The following HNRNPLL variants were observed in gnomAD, a reference collection of about 807,000 sequenced individuals.
HNRNPLL encodes the protein heterogeneous nuclear ribonucleoprotein L-like.
A neutral mutation model predicts 67.1 loss-of-function variants in HNRNPLL; 25 were observed. That is an observed-to-expected ratio of 0.37 (90% CI 0.27 to 0.52). HNRNPLL has a LOEUF of 0.52. Ranked by LOEUF, HNRNPLL falls within the 20% of genes least tolerant of loss-of-function variation. The pLI, the probability that HNRNPLL is intolerant of heterozygous loss-of-function variation, is 0.90. For missense variants in HNRNPLL, 542 were observed against 673.9 expected (o/e 0.80, Z 2.17); for synonymous variants, 267 against 241.7 (o/e 1.10, Z -0.97).
chr2:38,579,753 T>TA (rs561479570), intron 6 of HNRNPLL, among the ~76,000 whole-genome samples: 80 of 147,982 alleles, frequency 5.4e-4, no homozygotes, highest in East Asian at 7.8e-4. Context: ...TTTTTTTGGT[T>TA]AAAAAAAAAA....
intron 6 of HNRNPLL, among the ~76,000 whole-genome samples, chr2:38,579,810 T>C (rs1279552126): frequency 2.0e-5 from 3 of 152,204 alleles, no homozygotes; most frequent in Admixed American, 6.5e-5. Flanking sequence ...ACAGTTTCAA[T>C]AGCTATCAAT....
intron 2 of HNRNPLL, among the ~76,000 whole-genome samples, chr2:38,590,287 G>C (rs1223984976): frequency 6.6e-6 from 1 of 152,078 alleles, no homozygotes; most frequent in Admixed American, 6.5e-5. Flanking sequence ...CCCTCTGCTG[G>C]ACATCTCTGA....
intron 1 of HNRNPLL, 35 bp from the exon 2 acceptor site, chr2:38,591,683 T>G: frequency 6.8e-7 from 1 of 1,477,010 alleles, no homozygotes; most frequent in South Asian, 1.1e-5. Context: ...TTAAAAAAAT[T>G]TTAAGTCTAA....
At chr2:38,582,267 A>G in intron 4 of HNRNPLL, 99 bp from the exon 5 acceptor site, 1 of 798,030 alleles carries the variant, frequency 1.3e-6, no homozygotes, top group Non-Finnish European at 2.1e-6. Flanking sequence ...TAGCTCTTTT[A>G]CTTCTGGAAA....
At chr2:38,582,363 T>C (rs1160963904) in intron 4 of HNRNPLL, among the ~76,000 whole-genome samples, 195 bp from the exon 5 acceptor site, 1 of 152,108 alleles carries the variant, frequency 6.6e-6, no homozygotes, top group Non-Finnish European at 1.5e-5. Flanking sequence ...TCACCAGGAG[T>C]GCAGTGGCGC....
chr2:38,584,952 A>G lies in HNRNPLL; in HGVS notation c.546+692T>C, dbSNP rs564165868. Among the ~76,000 whole-genome samples the G allele has an allele frequency of 4.6e-5, 7 of 152,150 alleles. No homozygotes were observed. The East Asian group carries it at 5.8e-4, about 13-fold the overall frequency. On this transcript the variant is annotated intron_variant, in intron 3 of 12. Transcript: ENST00000449105. ...ATTAATAAGTCTATATTTAAAATACAAAATGTCTAATTAAATCTAAAGAAT... is the reference window on the plus strand; with the variant it reads ...ATTAATAAGTCTATATTTAAAATACGAAATGTCTAATTAAATCTAAAGAAT...
intron 6 of HNRNPLL, 97 bp from the exon 7 acceptor site, chr2:38,577,629 C>G: frequency 1.3e-6 from 1 of 742,500 alleles, no homozygotes; most frequent in Non-Finnish European, 2.4e-6. Context: ...TCCAATACAA[C>G]AATTCATAAA....
chr2:38,594,366 T>C (rs1667090008), intron 1 of HNRNPLL, among the ~76,000 whole-genome samples: 1 of 152,170 alleles, frequency 6.6e-6, no homozygotes. Flanking sequence ...GTAATGGTTA[T>C]GTAAGAGAAT....
rs1032436033 is a variant in HNRNPLL, at chr2:38,562,909, G to T, written c.*1273C>A. The T allele has an allele frequency of 3.3e-5, 5 of 151,954 alleles. No homozygotes were observed. Among genetic ancestry groups the T allele is most frequent in the African/African-American group, 1.2e-4 (5 of 41,392 alleles). 9.4% of individuals were successfully genotyped at this position (151,954 alleles called of 1,614,324 possible). On this transcript the variant is annotated 3_prime_UTR_variant, in exon 13 of 13. Coordinates refer to ENST00000449105, the MANE Select transcript of HNRNPLL (RefSeq NM_138394.4). Reference sequence around the variant, plus strand: ...AATTTAAAATAAAGTCTTTACAAAAGATCTAAATGGAACTTTCATTTACAA... The same window carrying T: ...AATTTAAAATAAAGTCTTTACAAAATATCTAAATGGAACTTTCATTTACAA...
chr2:38,588,277 C>CGGT (rs1666811972), intron 2 of HNRNPLL, among the ~76,000 whole-genome samples: 1 of 152,040 alleles, frequency 6.6e-6, no homozygotes, highest in African/African-American at 2.4e-5. Flanking sequence ...TGGCTAGGCA[C>CGGT]GGTGGCTCAT....
intron 8 of HNRNPLL, among the ~76,000 whole-genome samples, chr2:38,570,765 G>A (rs1238007269): frequency 6.6e-6 from 1 of 152,040 alleles, no homozygotes; most frequent in African/African-American, 2.4e-5. Context: ...ACAATCCCTG[G>A]TGCAGTGGCT....
chr2:38,565,727 CAAAAAAAAAAAA>C (rs200356084), intron 12 of HNRNPLL, among the ~76,000 whole-genome samples: 7 of 73,284 alleles, frequency 9.6e-5, no homozygotes, highest in African/African-American at 3.6e-4. Flanking sequence ...GACCCTGTCT[CAAAAAAAAAAAA>C]AAAAAAAAAA....
At chr2:38,588,324 T>C (rs181312541) in intron 2 of HNRNPLL, among the ~76,000 whole-genome samples, 2 of 150,416 alleles carry the variant, frequency 1.3e-5, no homozygotes, top group Admixed American at 1.3e-4. Context: ...CGGAGGTGGG[T>C]GGATCACAAG....
At chr2:38,579,841 C>T (rs183623299) in intron 6 of HNRNPLL, among the ~76,000 whole-genome samples, 299 of 151,934 alleles carry the variant, frequency 2.0e-3, no homozygotes, top group Middle Eastern at 3.4e-3. Flanking sequence ...GCTAAGAGCT[C>T]TACAGAAACA....
chr2:38,596,727 A>G (rs1161579117), intron 1 of HNRNPLL, among the ~76,000 whole-genome samples: 2 of 152,036 alleles, frequency 1.3e-5, no homozygotes, highest in African/African-American at 2.4e-5. Flanking sequence ...ATCTTTCCTC[A>G]TACAGGAGCC....
chr2:38,565,664 G>A (rs1222699742), intron 12 of HNRNPLL, among the ~76,000 whole-genome samples: 1 of 148,746 alleles, frequency 6.7e-6, no homozygotes. Context: ...GGAAAGTCGA[G>A]GCTGCAGTGG....
Position 38,602,804 on chromosome 2 carries a change from C to G in HNRNPLL, c.-178G>C. On this transcript the variant is annotated 5_prime_UTR_variant, in exon 1 of 13. Transcript: ENST00000449105. ...CTGGCGGCTGAGAAGCGCGGACGGA[C>G]TGAGGGGGGCGCCCCGGGAGGAAGC... 1.9e-6 allele frequency: 3 copies of G among 1,543,916 alleles called. No individual in the cohort carries two copies. Among genetic ancestry groups the G allele is most frequent in the Non-Finnish European group, 2.6e-6 (3 of 1,144,332 alleles).
rs73929078 is a variant in HNRNPLL at position 38,577,647 on chromosome 2, C to T, written c.803-115G>A. ...AATACAACAATTCATAAAAGAAATACGATTCCTGGTTAACTTTAAACATCC... is the reference window on the plus strand; with the variant it reads ...AATACAACAATTCATAAAAGAAATATGATTCCTGGTTAACTTTAAACATCC... On this transcript the variant is annotated intron_variant, in intron 6 of 12. Transcript: ENST00000449105. The T allele has an allele frequency of 2.2e-3, 1,511 of 676,368 alleles. 17 individuals are homozygous for T. In the African/African-American group the frequency reaches 0.023, roughly 10 times the overall value. 41.9% of individuals were successfully genotyped at this position (676,368 alleles called of 1,614,324 possible). A position where few individuals can be genotyped will look rare whatever the true frequency, so the allele number is the denominator to read the frequency against.
intron 1 of HNRNPLL, among the ~76,000 whole-genome samples, chr2:38,594,682 C>T (rs1558546300): frequency 6.6e-6 from 1 of 152,214 alleles, no homozygotes; most frequent in Admixed American, 6.5e-5. Context: ...GGCACAGTGG[C>T]TCATGCCTGT....
Sources: gnomAD v4.1 joint callset for allele counts (sites outside exome capture counted in the v4.1 genomes callset) on GRCh38, gnomAD v4.1.1 for gene constraint, MANE v1.5 for transcripts, NCBI Gene and HGNC (gene_info 2026-07-23, HGNC 2026-07-21) for gene names.